Variants in PCNX1 observed in about 807,000 individuals in gnomAD.
The protein encoded by PCNX1 is pecanex 1, also known as pecanex-like protein 1.
Under a neutral mutation model 242.2 loss-of-function variants are expected in PCNX1, and 78 were observed. The ratio of observed to expected loss-of-function variants is 0.32; its 90% CI spans 0.27 to 0.39. The LOEUF (loss-of-function observed/expected upper bound fraction) is 0.39, where lower values mean the gene tolerates loss of function less well. PCNX1 is among the 10% of genes least tolerant of loss of function. The pLI, the probability that PCNX1 is intolerant of heterozygous loss-of-function variation, is 1.00. For synonymous variants in PCNX1, 1,024 were observed against 1,032.9 expected, an observed-to-expected ratio of 0.99 and a Z score of 0.17; for missense variants, 2,581 against 2,856.5, an observed-to-expected ratio of 0.90 and a Z score of 2.20.
chr14:71,102,042 C>T lies in PCNX1; in HGVS notation c.5642C>T (p.Ala1881Val). 6.2e-7 allele frequency: 1 copy of T among 1,613,522 alleles called. No individual in the cohort carries two copies. The highest frequency in any genetic ancestry group is 8.5e-7 in the Non-Finnish European group (1 of 1,179,530). Residue 1881 changes from alanine (A) to valine (V), a missense_variant, in exon 31 of 36, where the codon GCC (alanine) becomes GTC (valine). Physicochemically the swap from Ala to Val is moderately conservative, Grantham distance 64. This residue lies in a region of PCNX1 where 298 missense variants were observed against 480.1 expected (regional missense o/e 0.62). Transcript: ENST00000304743. The part of the protein sequence containing the change: ...EYDDPTVLYE[A>V]IVSHEKNLVI... Reference sequence around the variant, plus strand: ...GATGACCCTACTGTGCTCTATGAAGCCATAGTATCTCATGAGAAGAACCTC... The same window carrying T: ...GATGACCCTACTGTGCTCTATGAAGTCATAGTATCTCATGAGAAGAACCTC...
At chr14:71,069,347 GC>G (rs1299607044) in intron 26 of PCNX1, among the ~76,000 whole-genome samples, 2 of 152,230 alleles carry the variant, frequency 1.3e-5, no homozygotes, top group East Asian at 3.9e-4. Context: ...TTAAATATTA[GC>G]AAATTAATAG....
chr14:71,077,534 A>G (rs2061748553), intron 28 of PCNX1, among the ~76,000 whole-genome samples: 2 of 152,152 alleles, frequency 1.3e-5, no homozygotes, highest in Non-Finnish European at 2.9e-5. Flanking sequence ...TTTTTACTCC[A>G]TCAATAAGAA....
intron 7 of PCNX1, among the ~76,000 whole-genome samples, chr14:70,990,387 G>A (rs1324835266): frequency 2.0e-5 from 3 of 150,416 alleles, no homozygotes; most frequent in Non-Finnish European, 3.0e-5. Flanking sequence ...GTGAAACCTC[G>A]TCTCTACTAA....
intron 2 of PCNX1, among the ~76,000 whole-genome samples, chr14:70,953,751 C>T (rs1454470175): frequency 6.7e-6 from 1 of 150,090 alleles, no homozygotes; most frequent in Non-Finnish European, 1.5e-5. Context: ...CTCACTGCAA[C>T]CTCTGCCTCC....
intron 1 of PCNX1, among the ~76,000 whole-genome samples, chr14:70,920,088 T>C (rs1345488086): frequency 1.3e-5 from 2 of 152,168 alleles, no homozygotes; most frequent in African/African-American, 2.4e-5. Flanking sequence ...TCTAGACATA[T>C]ACTCAACAGA....
chr14:70,985,882 T>G (rs2058986800), intron 6 of PCNX1, among the ~76,000 whole-genome samples: 1 of 152,240 alleles, frequency 6.6e-6, no homozygotes, highest in Non-Finnish European at 1.5e-5. Flanking sequence ...CCCTTCTCTC[T>G]GATTCCCTAG....
intron 8 of PCNX1, among the ~76,000 whole-genome samples, chr14:71,000,522 C>T (rs2059472274): frequency 7.0e-6 from 1 of 143,712 alleles, no homozygotes; most frequent in East Asian, 2.0e-4. Context: ...TTAGCTGTCC[C>T]TTGATTTTTT....
intron 27 of PCNX1, among the ~76,000 whole-genome samples, chr14:71,074,652 A>G (rs2061667055): frequency 6.6e-6 from 1 of 152,128 alleles, no homozygotes; most frequent in South Asian, 2.1e-4. Flanking sequence ...ATGGTTGACC[A>G]TCCACATGGC....
chr14:70,912,651 A>T (rs750321417), intron 1 of PCNX1, among the ~76,000 whole-genome samples: 19 of 151,426 alleles, frequency 1.3e-4, no homozygotes, highest in Non-Finnish European at 2.4e-4. Flanking sequence ...AAATCTTACC[A>T]CTTTCTGCTC....
At chr14:71,035,971 A>C (rs2060520117) in intron 18 of PCNX1, 94 bp from the exon 19 acceptor site, 1 of 831,876 alleles carries the variant, frequency 1.2e-6, no homozygotes, top group Non-Finnish European at 1.9e-6. Flanking sequence ...GCCAGGCAAA[A>C]AATTAATTCT....
chr14:71,100,011 T>G (rs1595504480), intron 30 of PCNX1, among the ~76,000 whole-genome samples: 1 of 152,314 alleles, frequency 6.6e-6, no homozygotes, highest in East Asian at 1.9e-4. Flanking sequence ...TCTTTTTTTT[T>G]TAATCTACCT....
At chr14:71,029,153 A>G (rs1475347732) in intron 16 of PCNX1, among the ~76,000 whole-genome samples, 2 of 152,130 alleles carry the variant, frequency 1.3e-5, no homozygotes, top group African/African-American at 2.4e-5. Context: ...TTTTAAACTT[A>G]TAAAAACAAG....
intron 26 of PCNX1, among the ~76,000 whole-genome samples, chr14:71,067,538 A>G (rs1320453715): frequency 6.6e-6 from 1 of 151,736 alleles, no homozygotes; most frequent in Non-Finnish European, 1.5e-5. Flanking sequence ...TATTTTGTTG[A>G]TCTTTTCAAA....
At position 71,073,688 on chromosome 14, in the gene PCNX1, G is replaced by A. The variant is rs956300843; in HGVS notation, c.4996G>A (p.Val1666Met). The change falls in exon 27 of 36, where the codon GTG becomes ATG. Residue 1666 changes from valine to methionine, a missense_variant. Physicochemically the swap from Val to Met is conservative, Grantham distance 21. Transcript: ENST00000304743. ...AFSQRWLAWE[V>M]IVTKYILEGY... ...TAGCCAGCGATGGCTAGCTTGGGAAGTGATAGTCACAAAGTACATTCTGGA... is the reference window on the plus strand; with the variant it reads ...TAGCCAGCGATGGCTAGCTTGGGAAATGATAGTCACAAAGTACATTCTGGA... 6.2e-7 allele frequency: 1 copy of A among 1,614,094 alleles called. No homozygotes were observed. Among genetic ancestry groups the A allele is most frequent in the Non-Finnish European group, 8.5e-7 (1 of 1,179,984 alleles).
Position 70,947,074 on chromosome 14 carries a change from G to A in PCNX1, c.313G>A (p.Ala105Thr). The part of the protein sequence containing the change: ...ANEFTDQRTK[A>T]EQGNCSTRRK... ...TGAGTTCACGGATCAGCGAACCAAA[G>A]CTGAACAAGGCAACTGTTCAACCAG... The change falls in exon 2 of 36, where the codon GCT becomes ACT. Residue 105 changes from alanine (A) to threonine (T), a missense_variant. Transcript: ENST00000304743. 1 of 1,613,364 alleles carries A rather than the reference G, an allele frequency of 6.2e-7. No homozygotes were observed. Among genetic ancestry groups the A allele is most frequent in the South Asian group, 1.1e-5 (1 of 90,950 alleles).
At chr14:70,986,992 G>C (rs1037433211) in intron 6 of PCNX1, among the ~76,000 whole-genome samples, 1 of 152,128 alleles carries the variant, frequency 6.6e-6, no homozygotes, top group African/African-American at 2.4e-5. Context: ...ACTGTTAGCA[G>C]GTATACCAAT....
chr14:70,979,278 T>G (rs939017421), intron 6 of PCNX1, among the ~76,000 whole-genome samples: 2 of 152,194 alleles, frequency 1.3e-5, no homozygotes, highest in Non-Finnish European at 2.9e-5. Flanking sequence ...TGACATTTGG[T>G]ATCCATTAAT....
At chr14:71,092,927 C>T (rs1883174568) in intron 30 of PCNX1, 1 of 152,176 alleles carries the variant, frequency 6.6e-6, no homozygotes, top group African/African-American at 2.4e-5. Context: ...AGTAAAGGAC[C>T]TTCTTTTAAA....
intron 31 of PCNX1, among the ~76,000 whole-genome samples, chr14:71,103,127 TAAA>T (rs1232884757): frequency 1.3e-5 from 2 of 152,240 alleles, no homozygotes; most frequent in African/African-American, 4.8e-5. Flanking sequence ...TTTGCCAAGT[TAAA>T]AAACTAAATT....
Sources: gnomAD v4.1 joint callset for allele counts (sites outside exome capture counted in the v4.1 genomes callset) on GRCh38, gnomAD v4.1.1 for gene constraint, gnomAD v4.1.1 regional missense constraint, MANE v1.5 for transcripts, NCBI Gene and HGNC (gene_info 2026-07-23, HGNC 2026-07-21) for gene names.